Variants in CDC42BPG observed in about 807,000 individuals in gnomAD.
CDC42BPG encodes the protein serine/threonine-protein kinase MRCK gamma.
CDC42BPG carries 157 observed loss-of-function variants against 192.2 expected under a neutral mutation model. That is an observed-to-expected ratio of 0.82 (90% CI 0.72 to 0.93). The LOEUF is 0.93. CDC42BPG is among the 40% of genes least tolerant of loss of function. The probability of loss-of-function intolerance (pLI) is 0.00; values close to 1 mark genes in which losing one functional copy is unlikely to be tolerated. For missense variants in CDC42BPG, 1,992 were observed against 2,122.1 expected (o/e 0.94, Z 1.20); for synonymous variants, 981 against 918.5 (o/e 1.07, Z -1.23).
chr11:64,839,610 T>C (rs1360726416), intron 5 of CDC42BPG, 39 bp from the exon 6 acceptor site: 1 of 1,555,244 alleles, frequency 6.4e-7, no homozygotes, highest in African/African-American at 1.4e-5. Context: ...GCGTTTGACC[T>C]GTGTGTAAGT....
At chr11:64,842,542 C>G (rs928811676) in intron 1 of CDC42BPG, among the ~76,000 whole-genome samples, 1 of 152,166 alleles carries the variant, frequency 6.6e-6, no homozygotes, top group African/African-American at 2.4e-5. Context: ...ACAAACAGGA[C>G]AAAGATGCCT....
rs556174774 is a variant in CDC42BPG, at chr11:64,838,246, C to T, written c.1126-84G>A. 417 of 1,044,156 alleles carry T rather than the reference C, an allele frequency of 4.0e-4. 2 individuals carry two copies. In the South Asian group the frequency reaches 5.4e-3, roughly 14 times the overall value. 64.7% of individuals were successfully genotyped at this position (1,044,156 alleles called of 1,614,324 possible). On this transcript the variant is annotated intron_variant, in intron 8 of 36. Coordinates refer to ENST00000342711, the MANE Select transcript of CDC42BPG (RefSeq NM_017525.3). ...CCCAGGAGCCCCCTGGGACCAGGTG[C>T]GACCACCTCCTGCACAGGTGGGAAC...
intron 3 of CDC42BPG, 22 bp downstream of exon 3, chr11:64,841,628 G>C: frequency 6.2e-7 from 1 of 1,606,760 alleles, no homozygotes; most frequent in Non-Finnish European, 8.5e-7. Context: ...GTGCCCAAGG[G>C]CCCCCCAGAC....
Position 64,840,650 on chromosome 11 carries a change from T to TG in CDC42BPG, c.337-3dup, listed in dbSNP as rs1371076303. 6.2e-7 allele frequency: 1 copy of TG among 1,613,720 alleles called. No homozygotes were observed. The highest frequency in any genetic ancestry group is 8.5e-7 in the Non-Finnish European group (1 of 1,179,986). ...CCGCTCCTCCCGGAAACAGGCTGTC[T>TG]GCAGCAGGTTTGGGGAAGTAAGGGG... On this transcript the variant is annotated splice_region_variant and splice_polypyrimidine_tract_variant and intron_variant, in intron 3 of 36. Transcript: ENST00000342711.
In CDC42BPG at chr11:64,836,830, G is replaced by A; in HGVS notation, c.1304-11C>T. The A allele has an allele frequency of 2.5e-6, 4 of 1,610,116 alleles. No individual in the cohort carries two copies. The highest frequency in any genetic ancestry group is 3.4e-6 in the Non-Finnish European group (4 of 1,177,956). ...GGGCGTGCAGGGCCTCTGGAGGGGA[G>A]GTGGTACCCACAGGTGAGTCCACTC... On this transcript the variant is annotated splice_polypyrimidine_tract_variant and intron_variant, in intron 10 of 36. Transcript: ENST00000342711.
rs142016620 is a variant in CDC42BPG, at chr11:64,830,195, G to A, written c.3366C>T (p.Asn1122=). The A allele has an allele frequency of 1.5e-5, 25 of 1,613,496 alleles. No homozygotes were observed. Among genetic ancestry groups the A allele is most frequent in the Non-Finnish European group, 1.7e-5 (20 of 1,179,828 alleles). ...CCCTAGCCCAGCTTTGATAGGTACCGTTGCTGCGCAGATGGATGACAAAGA... is the reference window on the plus strand; with the variant it reads ...CCCTAGCCCAGCTTTGATAGGTACCATTGCTGCGCAGATGGATGACAAAGA... The part of the protein sequence containing the change: ...EGLFVIHLRS[N]DIFQVGECRR... Residue 1122 remains asparagine (N), a splice_region_variant and synonymous_variant, in exon 29 of 37, where the codon AAC becomes AAT. Transcript: ENST00000342711.
intron 36 of CDC42BPG, among the ~76,000 whole-genome samples, chr11:64,824,851 GA>G (rs920127146): frequency 3.4e-4 from 52 of 151,978 alleles, no homozygotes; most frequent in Non-Finnish European, 6.3e-4. Context: ...AGGTTCTAGT[GA>G]TTCTCCTGCC....
intron 36 of CDC42BPG, among the ~76,000 whole-genome samples, chr11:64,825,277 G>A (rs907638481): frequency 6.6e-6 from 1 of 152,052 alleles, no homozygotes; most frequent in Non-Finnish European, 1.5e-5. Flanking sequence ...CTTTACTCTG[G>A]GCAGAAGAAT....
At position 64,835,517 on chromosome 11, in the gene CDC42BPG, C is replaced by A. The variant is rs1041705891; in HGVS notation, c.1863G>T (p.Glu621Asp). Residue 621 changes from glutamate to aspartate, a missense_variant, in exon 15 of 37, where the codon GAG becomes GAT. Transcript: ENST00000342711. The part of the protein sequence containing the change: ...KEVAALREQL[E>D]QAHSHRPSGK... ...TGGCTCACCTGTGGCTGTGGGCCTG[C>A]TCCAGCTGCTCTCGCAGGGCGGCCA... 6.3e-7 allele frequency: 1 copy of A among 1,597,994 alleles called. No individual in the cohort carries two copies. The highest frequency in any genetic ancestry group is 8.5e-7 in the Non-Finnish European group (1 of 1,174,900).
chr11:64,826,647 T>C, intron 35 of CDC42BPG, 24 bp downstream of exon 35: 1 of 1,585,174 alleles, frequency 6.3e-7, no homozygotes, highest in Non-Finnish European at 8.6e-7. Context: ...GGTGGCACAC[T>C]GGAGGCTGAG....
chr11:64,833,952 A>T lies in CDC42BPG; in HGVS notation c.2439T>A (p.Ile813=). Residue 813 remains isoleucine, a synonymous_variant, in exon 21 of 37, where the codon ATT becomes ATA. Transcript: ENST00000342711. ...CTGAGCTCCGGAAGGACAGGAAGGG[A>T]ATCAGGGAGTTTGAGGGCTTGGTGT... ...PVDTKPSNSL[I]PFLSFRSSEK... is the part of the protein sequence containing the mutation. The T allele has an allele frequency of 6.2e-7, 1 of 1,614,172 alleles. No homozygotes were observed. The highest frequency in any genetic ancestry group is 8.5e-7 in the Non-Finnish European group (1 of 1,180,028).
At position 64,833,758 on chromosome 11, in the gene CDC42BPG, G is replaced by A. The variant is rs200009805; in HGVS notation, c.2545C>T (p.Arg849Ter). The A allele has an allele frequency of 2.5e-6, 4 of 1,614,108 alleles. No individual in the cohort carries two copies. The highest frequency in any genetic ancestry group is 2.2e-5 in the South Asian group (2 of 91,088). The change falls in exon 22 of 37, where the codon CGA becomes TGA. Residue 849 changes from arginine (R) to a stop codon, truncating the protein, a stop_gained. Transcript: ENST00000342711. LOFTEE classifies it high-confidence loss of function. The stretch of plus-strand genomic sequence containing the variant: ...CTCACCCCCATGCGCAGGCTGCGTC[G>A]GCCCTCCGGCCTCAGATCTGGCTCT... ...GGEPDLRPEG[R>*]RSLRMGAVFP...
Position 64,829,678 on chromosome 11 carries a change from C to T in CDC42BPG, c.3760G>A (p.Glu1254Lys), listed in dbSNP as rs769307941. 29 of 1,611,548 alleles carry T rather than the reference C, an allele frequency of 1.8e-5. No individual in the cohort carries two copies. Among genetic ancestry groups the T allele is most frequent in the African/African-American group, 2.7e-5 (2 of 74,932 alleles). Residue 1254 changes from glutamate (E) to lysine (K), a missense_variant, in exon 30 of 37, where the codon GAG (glutamate) becomes AAG (lysine). Physicochemically the swap from Glu to Lys is moderately conservative, Grantham distance 56 (BLOSUM62 1). Transcript: ENST00000342711. ...GGFALYPLLNEAAPLALGAGL... is the reference protein window; with the variant it reads ...GGFALYPLLNKAAPLALGAGL... ...GCCCCCAGCGCCAACGGCGCAGCCT[C>T]GTTGAGCAGCGGGTAGAGTGCAAAG...
At position 64,839,553 on chromosome 11, in the gene CDC42BPG, G is replaced by A. The variant is rs139155231; in HGVS notation, c.600C>T (p.Asn200=). The A allele has an allele frequency of 9.0e-5, 145 of 1,612,510 alleles. No homozygotes were observed. In the East Asian group the frequency reaches 2.1e-3, roughly 24 times the overall value. The part of the protein sequence containing the change: ...GYVHRDVKPD[N]VLLDVNGHIR... Reference sequence around the variant, plus strand: ...TGTGCCCGTTCACATCCAGCAGGACGTTGTCTGGCTTGACATCCCTGGGGG... The same window carrying A: ...TGTGCCCGTTCACATCCAGCAGGACATTGTCTGGCTTGACATCCCTGGGGG... Residue 200 remains asparagine (N), a synonymous_variant, in exon 6 of 37, where the codon AAC becomes AAT. Coordinates refer to ENST00000342711, the MANE Select transcript of CDC42BPG (RefSeq NM_017525.3).
intron 5 of CDC42BPG, among the ~76,000 whole-genome samples, chr11:64,839,874 G>C (rs942620630): frequency 6.6e-6 from 1 of 152,172 alleles, no homozygotes; most frequent in Non-Finnish European, 1.5e-5. Context: ...CCCGAGAGCC[G>C]AGTCACCTTG....
chr11:64,836,714 G>GGGGA, intron 11 of CDC42BPG, 25 bp downstream of exon 11: 4 of 866,538 alleles, frequency 4.6e-6, no homozygotes, highest in South Asian at 1.7e-5. Flanking sequence ...CCTGGGGGGG[G>GGGGA]GGGGGGGGTG....
intron 3 of CDC42BPG, 52 bp from the exon 4 acceptor site, chr11:64,840,700 GC>G (rs57183951): frequency 0.14 from 206,921 of 1,504,066 alleles, 21,033 homozygotes; most frequent in East Asian, 0.38. Flanking sequence ...AGCCCAGGAT[GC>G]CCCCCTTGCC....
chr11:64,840,563 T>C lies in CDC42BPG; in HGVS notation c.422A>G (p.Glu141Gly). ...GCCACGTATCCTCACCAGGTACTCC[T>C]CGTCTTGGAAGGCATAGTGCAGAGT... ...VTTLHYAFQD[E>G]EYLYLVMDYY... Residue 141 changes from glutamate to glycine, a missense_variant, in exon 4 of 37, where the codon GAG (glutamate) becomes GGG (glycine). Coordinates refer to ENST00000342711, the MANE Select transcript of CDC42BPG (RefSeq NM_017525.3). The C allele has an allele frequency of 1.2e-6, 2 of 1,613,918 alleles. No individual in the cohort carries two copies.
chr11:64,829,772 C>T lies in CDC42BPG; in HGVS notation c.3666G>A (p.Leu1222=), dbSNP rs1485926006. The change falls in exon 30 of 37, where the codon CTG becomes CTA. Residue 1222 remains leucine (L), a synonymous_variant. Transcript: ENST00000342711. The stretch of plus-strand genomic sequence containing the variant: ...GGCTCTGCACAGTGGCAGGTGCCTG[C>T]AGCTCACGGATGCGGCGCTGCCAGG... The part of the protein sequence containing the change: ...PGPWQRRIRE[L]QAPATVQSLG... 6.3e-7 allele frequency: 1 copy of T among 1,598,432 alleles called. No individual in the cohort carries two copies. The highest frequency in any genetic ancestry group is 8.5e-7 in the Non-Finnish European group (1 of 1,174,690).
Sources: allele counts gnomAD v4.1 joint callset (sites outside exome capture counted in the v4.1 genomes callset), GRCh38; gene constraint gnomAD v4.1.1; transcripts MANE v1.5; gene names NCBI Gene and HGNC (gene_info 2026-07-23, HGNC 2026-07-21).